Variants in ARID5B observed in about 807,000 individuals in gnomAD.
The protein encoded by ARID5B is AT-rich interactive domain-containing protein 5B.
A neutral mutation model predicts 97.2 loss-of-function variants in ARID5B; 13 were observed. That is an observed-to-expected ratio of 0.13 (90% confidence interval 0.09 to 0.21). The LOEUF is 0.21. ARID5B is among the 10% of genes least tolerant of loss of function. The probability of loss-of-function intolerance (pLI) is 1.00; values close to 1 mark genes in which losing one functional copy is unlikely to be tolerated. For missense variants in ARID5B, 1,210 were observed against 1,465.3 expected (o/e 0.83, Z 2.84); for synonymous variants, 556 against 570.3 (o/e 0.97, Z 0.36).
intron 3 of ARID5B, among the ~76,000 whole-genome samples, chr10:61,942,532 C>T (rs867543598): frequency 6.6e-6 from 1 of 152,210 alleles, no homozygotes; most frequent in Non-Finnish European, 1.5e-5. Context: ...TGGCTCACGC[C>T]TGTAATCCCA....
chr10:61,992,834 C>T (rs1838945353), intron 3 of ARID5B, among the ~76,000 whole-genome samples: 1 of 152,148 alleles, frequency 6.6e-6, no homozygotes, highest in Admixed American at 6.5e-5. Context: ...GGCTGCCCCA[C>T]TTGCTTACTG....
At chr10:61,958,331 G>A (rs754458548) in intron 3 of ARID5B, among the ~76,000 whole-genome samples, 3 of 152,100 alleles carry the variant, frequency 2.0e-5, no homozygotes, top group Non-Finnish European at 2.9e-5. Flanking sequence ...CCAGGTTCAA[G>A]CAATTTTTAT....
chr10:62,091,074 G>A lies in ARID5B; in HGVS notation c.1611G>A (p.Gly537=). ...EKVAEEAGEK[G]PTPPLPSAPL... is the part of the protein sequence containing the mutation. ...TGGCAGAGGAGGCGGGAGAGAAGGG[G>A]CCCACACCTCCACTCCCAAGTGCTC... Residue 537 remains glycine, a synonymous_variant, in exon 10 of 10, where the codon GGG becomes GGA. Coordinates refer to ENST00000279873, the MANE Select transcript of ARID5B (RefSeq NM_032199.3). 1.9e-6 allele frequency: 3 copies of A among 1,613,928 alleles called. No homozygotes were observed. Among genetic ancestry groups the A allele is most frequent in the South Asian group, 2.2e-5 (2 of 91,036 alleles).
intron 2 of ARID5B, among the ~76,000 whole-genome samples, chr10:61,911,705 AC>A (rs1843807247): frequency 6.6e-6 from 1 of 152,172 alleles, no homozygotes; most frequent in African/African-American, 2.4e-5. Context: ...CATAGGCCAT[AC>A]ATTGTGCCTT....
At chr10:62,058,258 T>G (rs778620258) in intron 6 of ARID5B, among the ~76,000 whole-genome samples, 1 of 152,240 alleles carries the variant, frequency 6.6e-6, no homozygotes, top group Non-Finnish European at 1.5e-5. Flanking sequence ...TGAACAGCTT[T>G]GTTGCATTAT....
chr10:61,951,051 G>T (rs1211115364), intron 3 of ARID5B, among the ~76,000 whole-genome samples: 5 of 152,150 alleles, frequency 3.3e-5, no homozygotes, highest in East Asian at 3.8e-4. Context: ...TAAGTCTGAA[G>T]TTCTGTTGCA....
chr10:62,070,431 G>A (rs1025289124), intron 8 of ARID5B, among the ~76,000 whole-genome samples: 5 of 152,146 alleles, frequency 3.3e-5, no homozygotes, highest in African/African-American at 4.8e-5. Context: ...TATTCACACC[G>A]TTAAAGACCA....
At chr10:61,936,149 C>T (rs887993911) in intron 2 of ARID5B, among the ~76,000 whole-genome samples, 12 of 152,148 alleles carry the variant, frequency 7.9e-5, no homozygotes, top group Non-Finnish European at 1.6e-4. Context: ...AGCATCTTGA[C>T]TTTTATTTTT....
chr10:61,929,455 A>C (rs1479502806), intron 2 of ARID5B, among the ~76,000 whole-genome samples: 1 of 152,218 alleles, frequency 6.6e-6, no homozygotes, highest in South Asian at 2.1e-4. Context: ...CAGTATGATA[A>C]GAAAAGTTCA....
intron 2 of ARID5B, among the ~76,000 whole-genome samples, chr10:61,922,592 G>A (rs998800271): frequency 1.2e-4 from 18 of 152,246 alleles, no homozygotes; most frequent in Admixed American, 9.2e-4. Flanking sequence ...GACAGAGTGA[G>A]ACTCCGTCTC....
chr10:61,983,407 G>A (rs994029839), intron 3 of ARID5B, among the ~76,000 whole-genome samples: 1 of 152,168 alleles, frequency 6.6e-6, no homozygotes, highest in Admixed American at 6.5e-5. Flanking sequence ...AATATTTGCT[G>A]GTATTTAAGT....
At chr10:62,006,244 C>A (rs1405993678) in intron 4 of ARID5B, among the ~76,000 whole-genome samples, 1 of 152,108 alleles carries the variant, frequency 6.6e-6, no homozygotes, top group African/African-American at 2.4e-5. Context: ...GAGTTTGAGA[C>A]CAGCCTGGCC....
chr10:62,068,471 G>T (rs1840021280), intron 7 of ARID5B, among the ~76,000 whole-genome samples: 1 of 152,088 alleles, frequency 6.6e-6, no homozygotes, highest in Non-Finnish European at 1.5e-5. Context: ...TATTTAACCA[G>T]CCACCTCCTC....
intron 2 of ARID5B, among the ~76,000 whole-genome samples, chr10:61,931,459 A>G (rs564382549): frequency 4.3e-4 from 66 of 152,314 alleles, no homozygotes; most frequent in Middle Eastern, 6.8e-3. Flanking sequence ...AAGAGTTCAT[A>G]GATATAATGG....
chr10:61,933,968 G>A (rs1212874585), intron 2 of ARID5B, among the ~76,000 whole-genome samples: 1 of 152,172 alleles, frequency 6.6e-6, no homozygotes, highest in Non-Finnish European at 1.5e-5. Flanking sequence ...CCAATATAAG[G>A]CTGTTTCATC....
At chr10:61,920,624 A>G (rs1843997776) in intron 2 of ARID5B, among the ~76,000 whole-genome samples, 1 of 152,188 alleles carries the variant, frequency 6.6e-6, no homozygotes, top group East Asian at 1.9e-4. Flanking sequence ...AAATGAGTAG[A>G]TGGAAAAAAA....
At chr10:62,065,053 C>T (rs1434681372) in intron 7 of ARID5B, among the ~76,000 whole-genome samples, 7 of 152,132 alleles carry the variant, frequency 4.6e-5, no homozygotes, top group East Asian at 3.9e-4. Flanking sequence ...GGATTACAGG[C>T]GTGAGTCACC....
rs758975808 is a variant in ARID5B, at chr10:61,902,116, G to A, written c.22-43G>A. 8 of 1,608,078 alleles carry A rather than the reference G, an allele frequency of 5.0e-6. No homozygotes were observed. The Admixed American group carries it at 5.0e-5, about 10-fold the overall frequency. On this transcript the variant is annotated intron_variant, in intron 1 of 9. Transcript: ENST00000279873. ...GTCTGGGAATAGATGTTTGTGCTCTGATGGCTACATTATTTATTTGGTGTT... is the reference window on the plus strand; with the variant it reads ...GTCTGGGAATAGATGTTTGTGCTCTAATGGCTACATTATTTATTTGGTGTT...
At chr10:61,979,461 C>T (rs2132843540) in intron 3 of ARID5B, among the ~76,000 whole-genome samples, 1 of 152,280 alleles carries the variant, frequency 6.6e-6, no homozygotes, top group Non-Finnish European at 1.5e-5. Flanking sequence ...GCTTGGTTTA[C>T]ATCCACACTC....
Sources: allele counts gnomAD v4.1 joint callset (sites outside exome capture counted in the v4.1 genomes callset), GRCh38; gene constraint gnomAD v4.1.1; transcripts MANE v1.5; gene names NCBI Gene and HGNC (gene_info 2026-07-23, HGNC 2026-07-21).